Variants in TMEM117 observed in about 807,000 individuals in gnomAD.
TMEM117 encodes transmembrane protein 117.
In TMEM117, 27 loss-of-function variants were observed where a neutral mutation model predicts 52.4. The observed-to-expected ratio is 0.51, with a 90% CI of 0.38 to 0.71. The LOEUF (loss-of-function observed/expected upper bound fraction) is 0.71, where lower values mean the gene tolerates loss of function less well. Among genes scored for constraint, TMEM117 ranks in the 30% least tolerant of loss-of-function variants. The probability of loss-of-function intolerance (pLI) is 0.00; values close to 1 mark genes in which losing one functional copy is unlikely to be tolerated. For synonymous variants in TMEM117, 215 were observed against 206.3 expected, an observed-to-expected ratio of 1.04 and a Z score of -0.36; for missense variants, 556 against 630.5, an observed-to-expected ratio of 0.88 and a Z score of 1.26.
chr12:44,030,394 A>G (rs944901499), intron 3 of TMEM117, among the ~76,000 whole-genome samples: 3 of 152,172 alleles, frequency 2.0e-5, no homozygotes, highest in Non-Finnish European at 4.4e-5. Context: ...CCTTATCTGC[A>G]CTTCTGCCTG....
At chr12:44,121,152 G>T (rs1713663300) in intron 3 of TMEM117, among the ~76,000 whole-genome samples, 1 of 152,134 alleles carries the variant, frequency 6.6e-6, no homozygotes, top group Admixed American at 6.5e-5. Context: ...TCATGGGAAA[G>T]ACCTGCCTCC....
rs1448504255 is a variant in TMEM117 at position 43,852,918 on chromosome 12, C to A, written c.277+7990C>A. Reference sequence around the variant, plus strand: ...CCATAAGGAGCTGTCAGTCTCTCAACAAGAATGATGTTCTTTGTATTCATT... The same window carrying A: ...CCATAAGGAGCTGTCAGTCTCTCAAAAAGAATGATGTTCTTTGTATTCATT... On this transcript the variant is annotated intron_variant, in intron 2 of 7. Transcript: ENST00000266534. Among the ~76,000 whole-genome samples the A allele has an allele frequency of 2.6e-5, 4 of 152,208 alleles. No individual in the cohort carries two copies. The East Asian group carries it at 5.8e-4, about 22-fold the overall frequency.
intron 5 of TMEM117, among the ~76,000 whole-genome samples, chr12:44,239,229 A>G (rs1264551563): frequency 1.3e-5 from 2 of 152,132 alleles, no homozygotes; most frequent in African/African-American, 4.8e-5. Flanking sequence ...CTCAGTGTGT[A>G]TTCAAATAAT....
chr12:43,877,597 T>C (rs1943820717), intron 2 of TMEM117, among the ~76,000 whole-genome samples: 1 of 149,166 alleles, frequency 6.7e-6, no homozygotes. Flanking sequence ...ATCGTGTCAC[T>C]GCACTCCAGC....
chr12:44,364,681 G>A (rs1008342004), intron 6 of TMEM117, among the ~76,000 whole-genome samples: 11 of 152,058 alleles, frequency 7.2e-5, no homozygotes, highest in African/African-American at 2.7e-4. Context: ...ACACTCCATT[G>A]ATATACAAAC....
At chr12:44,078,962 G>A (rs1224970347) in intron 3 of TMEM117, among the ~76,000 whole-genome samples, 1 of 150,424 alleles carries the variant, frequency 6.6e-6, no homozygotes, top group Non-Finnish European at 1.5e-5. Context: ...AACATGTGGA[G>A]TTTGGTTTTC....
chr12:44,207,749 A>C (rs1259502363), intron 4 of TMEM117, among the ~76,000 whole-genome samples: 1 of 152,028 alleles, frequency 6.6e-6, no homozygotes, highest in African/African-American at 2.4e-5. Context: ...TTTTGTGCTC[A>C]TAGGTGATTA....
chr12:44,264,724 GA>G (rs1044392385), intron 5 of TMEM117, among the ~76,000 whole-genome samples: 3 of 151,612 alleles, frequency 2.0e-5, no homozygotes, highest in East Asian at 1.9e-4. Flanking sequence ...AACAGAAAAA[GA>G]AAAAAATATA....
intron 3 of TMEM117, among the ~76,000 whole-genome samples, chr12:43,958,755 C>T (rs1010521534): frequency 1.3e-5 from 2 of 151,734 alleles, no homozygotes; most frequent in Non-Finnish European, 2.9e-5. Flanking sequence ...GAGAGAATAT[C>T]TGAAATGGAG....
chr12:43,843,037 A>T (rs1264530125), intron 1 of TMEM117, among the ~76,000 whole-genome samples: 3 of 152,150 alleles, frequency 2.0e-5, no homozygotes, highest in Non-Finnish European at 4.4e-5. Flanking sequence ...CCACCCTGTA[A>T]AATGAAGTGA....
intron 3 of TMEM117, among the ~76,000 whole-genome samples, chr12:43,950,556 A>T (rs1395151621): frequency 6.6e-6 from 1 of 152,020 alleles, no homozygotes; most frequent in Non-Finnish European, 1.5e-5. Flanking sequence ...CTCAAAAAAA[A>T]AAAGTGTACT....
At chr12:44,079,831 C>T (rs903535648) in intron 3 of TMEM117, among the ~76,000 whole-genome samples, 2 of 151,714 alleles carry the variant, frequency 1.3e-5, no homozygotes, top group African/African-American at 2.4e-5. Flanking sequence ...GCCTGGCCAA[C>T]GTGGTGAAAC....
intron 2 of TMEM117, among the ~76,000 whole-genome samples, chr12:43,847,571 G>A (rs187870284): frequency 6.2e-4 from 94 of 152,338 alleles, no homozygotes; most frequent in South Asian, 2.7e-3. Context: ...TGATTATCAT[G>A]AAGATTGTTA....
chr12:43,985,734 G>T (rs934394229), intron 3 of TMEM117, among the ~76,000 whole-genome samples: 2 of 152,144 alleles, frequency 1.3e-5, no homozygotes. Flanking sequence ...GTGATTAAAA[G>T]AAAGTAATTT....
intron 4 of TMEM117, among the ~76,000 whole-genome samples, chr12:44,179,239 G>A (rs567708345): frequency 3.3e-5 from 5 of 152,108 alleles, no homozygotes; most frequent in Admixed American, 1.3e-4. Flanking sequence ...CATAAAGGGA[G>A]TTTATTAGAG....
chr12:43,998,048 GTGTC>G (rs1240516021), intron 3 of TMEM117, among the ~76,000 whole-genome samples: 2 of 152,244 alleles, frequency 1.3e-5, no homozygotes, highest in East Asian at 3.9e-4. Flanking sequence ...GTCTAGTAGA[GTGTC>G]TGGCTGCTAG....
the TMEM117 span, chr12:43,797,154 A>G: frequency 1.2e-5 from 18 of 1,513,964 alleles, no homozygotes; most frequent in Non-Finnish European, 1.8e-6. Context: ...AACTTCATAA[A>G]ACTACATATA....
At chr12:43,910,188 A>G (rs1944471697) in intron 2 of TMEM117, among the ~76,000 whole-genome samples, 1 of 151,100 alleles carries the variant, frequency 6.6e-6, no homozygotes, top group South Asian at 2.1e-4. Flanking sequence ...GGCTGGTTCA[A>G]TATATGCAAA....
chr12:44,280,411 C>T (rs1294990346), intron 5 of TMEM117, among the ~76,000 whole-genome samples: 1 of 152,186 alleles, frequency 6.6e-6, no homozygotes, highest in Non-Finnish European at 1.5e-5. Flanking sequence ...GCTACAATTT[C>T]AGCATTTCCT....
Sources: allele counts gnomAD v4.1 joint callset (sites outside exome capture counted in the v4.1 genomes callset), GRCh38; gene constraint gnomAD v4.1.1; transcripts MANE v1.5; gene names NCBI Gene and HGNC (gene_info 2026-07-23, HGNC 2026-07-21).